Variants in RALYL observed in about 807,000 individuals in gnomAD.
RALYL encodes the protein RNA-binding Raly-like protein.
In RALYL, 29 loss-of-function variants were observed where a neutral mutation model predicts 35.1. The ratio of observed to expected loss-of-function variants is 0.83; its 90% CI spans 0.61 to 1.13. The LOEUF (loss-of-function observed/expected upper bound fraction) is 1.13, where lower values mean the gene tolerates loss of function less well. RALYL is among the 50% of genes most tolerant of loss of function. RALYL has a pLI of 0.00. For synonymous variants in RALYL, 120 were observed against 127.6 expected (o/e 0.94, Z 0.40); for missense variants, 359 against 360.4 (o/e 1.00, Z 0.03).
At chr8:84,889,533 T>C (rs1451422475) in intron 8 of RALYL, among the ~76,000 whole-genome samples, 6 of 152,226 alleles carry the variant, frequency 3.9e-5, no homozygotes, top group Non-Finnish European at 8.8e-5. Context: ...GGGTTTTGTC[T>C]TAGGCCATCT....
intron 4 of RALYL, among the ~76,000 whole-genome samples, chr8:84,842,030 T>A (rs911430836): frequency 6.6e-6 from 1 of 152,038 alleles, no homozygotes; most frequent in African/African-American, 2.4e-5. Context: ...GATCTAAAAT[T>A]GACACCCTAA....
At chr8:84,336,229 G>T (rs1563752490) in intron 1 of RALYL, among the ~76,000 whole-genome samples, 1 of 152,112 alleles carries the variant, frequency 6.6e-6, no homozygotes, top group Non-Finnish European at 1.5e-5. Flanking sequence ...ACACTGAATT[G>T]ATTGTTTTTC....
intron 2 of RALYL, among the ~76,000 whole-genome samples, chr8:84,603,368 GT>G (rs1309397395): frequency 6.6e-6 from 1 of 151,890 alleles, no homozygotes; most frequent in Non-Finnish European, 1.5e-5. Flanking sequence ...TCCTCCTTTT[GT>G]CTTTGTCAGG....
rs1051935520 is a variant in RALYL, at chr8:84,624,172, G to A, written c.256+94595G>A. 2.0e-5 allele frequency among the ~76,000 whole-genome samples: 3 copies of A among 152,170 alleles called. 1 individual carries two copies. The highest frequency in any genetic ancestry group is 1.3e-4 in the Admixed American group (2 of 15,272). The stretch of plus-strand genomic sequence containing the variant: ...TGAGCAGCTTAGTTTTTCAAGGACA[G>A]CCCTTTCTGTGTTTAGACATCACTA... On this transcript the variant is annotated intron_variant, in intron 2 of 8. Coordinates refer to ENST00000521268, the MANE Select transcript of RALYL (RefSeq NM_173848.7).
rs115852244 is a variant in RALYL at position 84,256,096 on chromosome 8, G to A, written c.-24+71672G>A. The stretch of plus-strand genomic sequence containing the variant: ...GCAAAGGGTATGTCTGATTGCTGGT[G>A]AAGGGTATAATTATCTCTGAGGTTG... On this transcript the variant is annotated intron_variant, in intron 1 of 8. Transcript: ENST00000521268. 3.8e-3 allele frequency among the ~76,000 whole-genome samples: 580 copies of A among 152,234 alleles called. 6 individuals are homozygous for A. Among genetic ancestry groups the A allele is most frequent in the African/African-American group, 0.013 (545 of 41,576 alleles).
chr8:84,838,273 G>A (rs1330501634), intron 4 of RALYL, among the ~76,000 whole-genome samples: 1 of 152,126 alleles, frequency 6.6e-6, no homozygotes, highest in African/African-American at 2.4e-5. Flanking sequence ...AGAAAAAGGG[G>A]ATTTTTATGA....
At chr8:84,683,689 T>C (rs1157521183) in intron 2 of RALYL, among the ~76,000 whole-genome samples, 2 of 151,910 alleles carry the variant, frequency 1.3e-5, no homozygotes, top group African/African-American at 2.4e-5. Flanking sequence ...TTGGTTTTGG[T>C]TTTGGTTTTG....
chr8:84,388,423 C>T (rs1444968543), intron 1 of RALYL, among the ~76,000 whole-genome samples: 1 of 152,186 alleles, frequency 6.6e-6, no homozygotes, highest in Non-Finnish European at 1.5e-5. Context: ...GCCACACTGA[C>T]TTCCACAATG....
intron 1 of RALYL, among the ~76,000 whole-genome samples, chr8:84,387,203 T>A (rs930969175): frequency 6.6e-6 from 1 of 151,872 alleles, no homozygotes; most frequent in Non-Finnish European, 1.5e-5. Flanking sequence ...ATTAAAATCA[T>A]TTTCTGTGTG....
At chr8:84,732,683 T>TATATATATATATATATAGACACACACAC in intron 2 of RALYL, among the ~76,000 whole-genome samples, 1 of 133,234 alleles carries the variant, frequency 7.5e-6, no homozygotes. Flanking sequence ...TATATATATA[T>TATATATATATATATATAGACACACACAC]ACACACACAC....
chr8:84,694,443 G>A (rs548447531), intron 2 of RALYL, among the ~76,000 whole-genome samples: 15 of 151,858 alleles, frequency 9.9e-5, no homozygotes, highest in Non-Finnish European at 1.9e-4. Flanking sequence ...ATACAACAGG[G>A]ATGAAAGAAA....
At chr8:84,377,078 A>G (rs1857046816) in intron 1 of RALYL, among the ~76,000 whole-genome samples, 1 of 151,896 alleles carries the variant, frequency 6.6e-6, no homozygotes, top group Non-Finnish European at 1.5e-5. Flanking sequence ...GCTGGTACTG[A>G]TAGACTAAAC....
intron 3 of RALYL, among the ~76,000 whole-genome samples, chr8:84,794,700 T>C (rs1821513496): frequency 6.6e-6 from 1 of 152,188 alleles, no homozygotes; most frequent in Non-Finnish European, 1.5e-5. Context: ...CCAAATATCT[T>C]CCAGCACCAT....
intron 6 of RALYL, among the ~76,000 whole-genome samples, chr8:84,870,988 G>C (rs746962096): frequency 2.0e-5 from 3 of 152,102 alleles, no homozygotes; most frequent in African/African-American, 7.2e-5. Context: ...ACCTAGATGA[G>C]CATTTGCTGC....
chr8:84,525,663 T>A (rs1027162980), intron 1 of RALYL, among the ~76,000 whole-genome samples: 1 of 152,162 alleles, frequency 6.6e-6, no homozygotes, highest in East Asian at 1.9e-4. Context: ...GTATATTTTT[T>A]CAATGTTTTA....
intron 1 of RALYL, among the ~76,000 whole-genome samples, chr8:84,379,943 A>G (rs1261325428): frequency 6.6e-6 from 1 of 151,788 alleles, no homozygotes; most frequent in Non-Finnish European, 1.5e-5. Flanking sequence ...AAACATCATA[A>G]TAGTTAGACT....
intron 1 of RALYL, among the ~76,000 whole-genome samples, chr8:84,431,709 GTGA>G (rs1474017832): frequency 6.6e-6 from 1 of 152,086 alleles, no homozygotes; most frequent in Non-Finnish European, 1.5e-5. Context: ...TTCATTCATG[GTGA>G]GGCAAATGGC....
intron 3 of RALYL, among the ~76,000 whole-genome samples, chr8:84,793,031 T>C (rs1821158698): frequency 6.6e-6 from 1 of 152,134 alleles, no homozygotes; most frequent in Non-Finnish European, 1.5e-5. Flanking sequence ...TTAAGTGTGA[T>C]GGGAAAGACT....
intron 4 of RALYL, among the ~76,000 whole-genome samples, chr8:84,812,098 G>A (rs1006456205): frequency 6.6e-6 from 1 of 152,102 alleles, no homozygotes; most frequent in African/African-American, 2.4e-5. Context: ...ACCAGAGTTG[G>A]TTTTCTGGTT....
Sources: allele counts gnomAD v4.1 joint callset (sites outside exome capture counted in the v4.1 genomes callset), GRCh38; gene constraint gnomAD v4.1.1; transcripts MANE v1.5; gene names NCBI Gene and HGNC (gene_info 2026-07-23, HGNC 2026-07-21).